The following RLBP1 variants were observed in gnomAD, a reference collection of about 807,000 sequenced individuals.
The protein encoded by RLBP1 is retinaldehyde binding protein 1, also known as retinaldehyde-binding protein 1.
RLBP1 carries 26 observed loss-of-function variants against 36.2 expected under a neutral mutation model. That is an observed-to-expected ratio of 0.72 (90% CI 0.53 to 1.00). The LOEUF (loss-of-function observed/expected upper bound fraction) is 1.00, where lower values mean the gene tolerates loss of function less well. Among genes scored for constraint, RLBP1 ranks in the 50% least tolerant of loss-of-function variants. The probability of loss-of-function intolerance (pLI) is 0.00; values close to 1 mark genes in which losing one functional copy is unlikely to be tolerated. For synonymous variants in RLBP1, 155 were observed against 156.2 expected, an observed-to-expected ratio of 0.99 and a Z score of 0.06; for missense variants, 410 against 402.4, an observed-to-expected ratio of 1.02 and a Z score of -0.16.
chr15:89,218,995 G>C lies in RLBP1; in HGVS notation c.-20C>G. The C allele has an allele frequency of 6.2e-7, 1 of 1,614,122 alleles. No individual in the cohort carries two copies. Among genetic ancestry groups the C allele is most frequent in the Non-Finnish European group, 8.5e-7 (1 of 1,180,006 alleles). On this transcript the variant is annotated 5_prime_UTR_variant, in exon 3 of 9. Coordinates refer to ENST00000268125, the MANE Select transcript of RLBP1 (RefSeq NM_000326.5). The surrounding 1 kb of genome is among the most constrained non-coding windows in gnomAD (Gnocchi z 4.6). ...TGACATGTTGCCTATGGAAGACACA[G>C]AGTCCTTGGAAAAAGAAGGGATCTG... is the stretch of plus-strand genomic sequence containing the variant.
At position 89,210,655 on chromosome 15, in the gene RLBP1, C is replaced by T; in HGVS notation, c.795+44G>A. ...GAGGAGGGCTCAGGTGAGGCCCCAC[C>T]CTCAGCCCTCTTGTCTCATTGTCTG... On this transcript the variant is annotated intron_variant, in intron 8 of 8. Coordinates refer to ENST00000268125, the MANE Select transcript of RLBP1 (RefSeq NM_000326.5). The surrounding 1 kb of genome is among the most constrained non-coding windows in gnomAD (Gnocchi z 4.7). The T allele has an allele frequency of 7.0e-7, 1 of 1,431,458 alleles. No individual in the cohort carries two copies. Among genetic ancestry groups the T allele is most frequent in the Non-Finnish European group, 9.7e-7 (1 of 1,034,184 alleles). The allele number at this position is 1,431,458 out of a possible 1,614,324, so 88.7% of individuals were successfully genotyped here.
In RLBP1 at chr15:89,211,946, T is replaced by A; in HGVS notation, c.526-45A>T. 6.2e-7 allele frequency: 1 copy of A among 1,608,004 alleles called. No individual in the cohort carries two copies. Among genetic ancestry groups the A allele is most frequent in the South Asian group, 1.1e-5 (1 of 90,832 alleles). On this transcript the variant is annotated intron_variant, in intron 6 of 8. Coordinates refer to ENST00000268125, the MANE Select transcript of RLBP1 (RefSeq NM_000326.5). This position sits in a 1 kb window ranked among gnomAD's most constrained non-coding sequence, Gnocchi z 5.8. ...GGCTGTAAGATCTAACCCGCAACAA[T>A]AATTAAGGCTTGAGGTCCTGAGGGG... is the stretch of plus-strand genomic sequence containing the variant.
chr15:89,219,979 A>T (rs1050079985), intron 1 of RLBP1, 120 bp from the exon 2 acceptor site: 1 of 152,218 alleles, frequency 6.6e-6, no homozygotes, highest in Non-Finnish European at 1.5e-5. Context: ...GTATTTTTGG[A>T]GACAGCTCTT....
In RLBP1 at chr15:89,210,395, C is replaced by T; in HGVS notation, c.844G>A (p.Glu282Lys). Reference sequence around the variant, plus strand: ...CCGAAGTCAGAGGGCAGGATGTTCTCATCGATCTCCTGGTAGAAACCAGAA... The same window carrying T: ...CCGAAGTCAGAGGGCAGGATGTTCTTATCGATCTCCTGGTAGAAACCAGAA... ...DLSGFYQEID[E>K]NILPSDFGGT... Residue 282 changes from glutamate (E) to lysine (K), a missense_variant, in exon 9 of 9, where the codon GAG (glutamate) becomes AAG (lysine). By Grantham distance (56) the Glu-to-Lys change is moderately conservative (BLOSUM62 1). Transcript: ENST00000268125. The surrounding 1 kb of genome is among the most constrained non-coding windows in gnomAD (Gnocchi z 4.7). 1.2e-6 allele frequency: 2 copies of T among 1,614,256 alleles called. No individual in the cohort carries two copies. The highest frequency in any genetic ancestry group is 1.7e-6 in the Non-Finnish European group (2 of 1,180,054).
rs759665742 is a variant in RLBP1, at chr15:89,210,348, A to G, written c.891T>C (p.Asp297=). 5 of 1,614,232 alleles carry G rather than the reference A, an allele frequency of 3.1e-6. No homozygotes were observed. The highest frequency in any genetic ancestry group is 4.2e-6 in the Non-Finnish European group (5 of 1,180,036). The change falls in exon 9 of 9, where the codon GAT becomes GAC. Residue 297 remains aspartate, a synonymous_variant. Coordinates refer to ENST00000268125, the MANE Select transcript of RLBP1 (RefSeq NM_000326.5). The surrounding 1 kb of genome is among the most constrained non-coding windows in gnomAD (Gnocchi z 4.7). ...AGAGCTGCTCAGCAACGGCCTTGCC[A>G]TCATACTTGGGCAGCGTGCCCCCGA... is the stretch of plus-strand genomic sequence containing the variant. ...SDFGGTLPKY[D]GKAVAEQLFG...
At chr15:89,212,598 A>G (rs1047363327) in intron 6 of RLBP1, among the ~76,000 whole-genome samples, 9 of 141,960 alleles carry the variant, frequency 6.3e-5, no homozygotes, top group African/African-American at 2.2e-4. Flanking sequence ...AAAAAAAAAA[A>G]AAAAGAAAAA....
chr15:89,218,511 TC>T lies in RLBP1; in HGVS notation c.141+53del. 1 of 1,612,762 alleles carries T rather than the reference TC, an allele frequency of 6.2e-7. No individual in the cohort carries two copies. The highest frequency in any genetic ancestry group is 1.3e-5 in the African/African-American group (1 of 75,020). ...CACAGGAGAGAGAATGCAGTCATGT[TC>T]CCCTCATGTTGCCTCCCTAGGCTGC... On this transcript the variant is annotated intron_variant, in intron 4 of 8. Coordinates refer to ENST00000268125, the MANE Select transcript of RLBP1 (RefSeq NM_000326.5). This position sits in a 1 kb window ranked among gnomAD's most constrained non-coding sequence, Gnocchi z 4.6.
intron 6 of RLBP1, among the ~76,000 whole-genome samples, chr15:89,212,648 G>A (rs566954740): frequency 1.3e-5 from 2 of 151,518 alleles, no homozygotes; most frequent in African/African-American, 4.9e-5. Context: ...GTGTATGTGC[G>A]TGCATACATG....
At chr15:89,217,669 C>T (rs767261539) in intron 4 of RLBP1, among the ~76,000 whole-genome samples, 8 of 152,294 alleles carry the variant, frequency 5.3e-5, no homozygotes, top group East Asian at 3.9e-4. Context: ...TGTTCTTATC[C>T]CCAGCTCTCA....
In RLBP1 at chr15:89,210,477, G is replaced by A. The variant is rs751759932; in HGVS notation, c.796-34C>T. The A allele has an allele frequency of 1.2e-6, 2 of 1,613,000 alleles. No homozygotes were observed. Among genetic ancestry groups the A allele is most frequent in the Admixed American group, 3.3e-5 (2 of 59,998 alleles). ...AAGCAAGGGAGACAGAACTGAGCAG[G>A]AGGAGGTGCCCTAAGGATGAGGGTT... On this transcript the variant is annotated intron_variant, in intron 8 of 8. Coordinates refer to ENST00000268125, the MANE Select transcript of RLBP1 (RefSeq NM_000326.5). This position sits in a 1 kb window ranked among gnomAD's most constrained non-coding sequence, Gnocchi z 4.7.
rs2051565406 is a variant in RLBP1, at chr15:89,214,748, G to A, written c.525+312C>T. 6.6e-6 allele frequency among the ~76,000 whole-genome samples: 1 copy of A among 152,236 alleles called. No homozygotes were observed. The highest frequency in any genetic ancestry group is 1.5e-5 in the Non-Finnish European group (1 of 68,046). On this transcript the variant is annotated intron_variant, in intron 6 of 8. Transcript: ENST00000268125. The surrounding 1 kb of genome is among the most constrained non-coding windows in gnomAD (Gnocchi z 4.6). ...CTCTGTTGCTCTCAGCATTTAGCAT[G>A]TGGCAGGGCAGCCCCCAGCTCATGG...
Position 89,215,244 on chromosome 15 carries a change from G to A in RLBP1, c.347-6C>T, listed in dbSNP as rs1466969660. The A allele has an allele frequency of 2.5e-6, 4 of 1,613,966 alleles. No individual in the cohort carries two copies. Among genetic ancestry groups the A allele is most frequent in the Admixed American group, 1.7e-5 (1 of 60,004 alleles). On this transcript the variant is annotated splice_polypyrimidine_tract_variant and splice_region_variant and intron_variant, in intron 5 of 8. Transcript: ENST00000268125. ...CAGCCGGAAATTCACATAGCCTGGAGGAAGGAGAGCAGAGGAACCCCCTCA... is the reference window on the plus strand; with the variant it reads ...CAGCCGGAAATTCACATAGCCTGGAAGAAGGAGAGCAGAGGAACCCCCTCA...
chr15:89,212,152 A>C (rs1403812292), intron 6 of RLBP1, among the ~76,000 whole-genome samples: 1 of 152,272 alleles, frequency 6.6e-6, no homozygotes, highest in Non-Finnish European at 1.5e-5. Context: ...CTAAATGTCC[A>C]ACAATGGGAA....
chr15:89,214,630 T>A lies in RLBP1; in HGVS notation c.525+430A>T, dbSNP rs1230873522. Among the ~76,000 whole-genome samples, 1 of 151,724 alleles carries A rather than the reference T, an allele frequency of 6.6e-6. No individual in the cohort carries two copies. The highest frequency in any genetic ancestry group is 6.6e-5 in the Admixed American group (1 of 15,240). ...CAGACAAGCAAAATTGCGTACACAA[T>A]TTTGCGAGCACAAAGAACTCGGGCT... On this transcript the variant is annotated intron_variant, in intron 6 of 8. Coordinates refer to ENST00000268125, the MANE Select transcript of RLBP1 (RefSeq NM_000326.5). The surrounding 1 kb of genome is among the most constrained non-coding windows in gnomAD (Gnocchi z 4.6).
At position 89,217,236 on chromosome 15, in the gene RLBP1, C is replaced by T. The variant is rs750355323; in HGVS notation, c.230G>A (p.Gly77Glu). ...QEMVQAQAAS[G>E]EELAVAVAER... is the part of the protein sequence containing the mutation. ...CGCCACGGCCACCGCCAGCTCCTCC[C>T]CCGAGGCCGCCTGCGCCTGCACCAT... Residue 77 changes from glycine (G) to glutamate (E), a missense_variant, in exon 5 of 9, where the codon GGG becomes GAG. Gly to Glu is a moderately conservative substitution (Grantham distance 98, BLOSUM62 -2). Transcript: ENST00000268125. 5.6e-6 allele frequency: 9 copies of T among 1,612,346 alleles called. No homozygotes were observed. Among genetic ancestry groups the T allele is most frequent in the African/African-American group, 1.3e-5 (1 of 74,958 alleles).
Position 89,210,823 on chromosome 15 carries a change from GAGAT to G in RLBP1, c.685-18_685-15del. 2 of 1,540,444 alleles carry G rather than the reference GAGAT, an allele frequency of 1.3e-6. No individual in the cohort carries two copies. The highest frequency in any genetic ancestry group is 2.4e-5 in the South Asian group (2 of 84,964). ...TGGGAAGGAATCCTGCGGTGACAGAGAGATACCCCGTTCCCCATGGCCCCAGTGA... is the reference window on the plus strand; with the variant it reads ...TGGGAAGGAATCCTGCGGTGACAGAGACCCCGTTCCCCATGGCCCCAGTGA... On this transcript the variant is annotated splice_polypyrimidine_tract_variant and intron_variant, in intron 7 of 8. Coordinates refer to ENST00000268125, the MANE Select transcript of RLBP1 (RefSeq NM_000326.5). This position sits in a 1 kb window ranked among gnomAD's most constrained non-coding sequence, Gnocchi z 4.7.
chr15:89,214,964 G>T lies in RLBP1; in HGVS notation c.525+96C>A. On this transcript the variant is annotated intron_variant, in intron 6 of 8. Transcript: ENST00000268125. This position sits in a 1 kb window ranked among gnomAD's most constrained non-coding sequence, Gnocchi z 4.6. ...CCACCTTTCCCCCTCTACAGACCTT[G>T]CCTCCTGGAGAACCAGGAATGAGGG... The T allele has an allele frequency of 7.6e-7, 1 of 1,307,604 alleles. No homozygotes were observed. The allele number at this position is 1,307,604 out of a possible 1,614,324, so 81.0% of individuals were successfully genotyped here. A position where few individuals can be genotyped will look rare whatever the true frequency, so the allele number is the denominator to read the frequency against.
intron 6 of RLBP1, among the ~76,000 whole-genome samples, chr15:89,213,345 T>G (rs1490186450): frequency 6.6e-6 from 1 of 151,402 alleles, no homozygotes; most frequent in African/African-American, 2.4e-5. Context: ...TACTTACAGA[T>G]AGTATTATAG....
At chr15:89,213,078 A>C (rs2051551845) in intron 6 of RLBP1, among the ~76,000 whole-genome samples, 1 of 152,202 alleles carries the variant, frequency 6.6e-6, no homozygotes, top group African/African-American at 2.4e-5. Flanking sequence ...TTACGTAATA[A>C]GAAAAAACAT....
Sources: gnomAD v4.1 joint callset for allele counts (sites outside exome capture counted in the v4.1 genomes callset) on GRCh38, gnomAD v4.1.1 for gene constraint, Gnocchi (gnomAD v3.1) non-coding constraint, MANE v1.5 for transcripts, NCBI Gene and HGNC (gene_info 2026-07-23, HGNC 2026-07-21) for gene names.